Variants in TBXAS1 observed in about 807,000 individuals in gnomAD.
TBXAS1 encodes the protein thromboxane A synthase 1, also known as thromboxane-A synthase.
Under a neutral mutation model 60.7 loss-of-function variants are expected in TBXAS1, and 48 were observed. That is an observed-to-expected ratio of 0.79 (90% CI 0.63 to 1.01). The LOEUF is 1.01. Ranked by LOEUF, TBXAS1 falls within the 50% of genes least tolerant of loss-of-function variation. The pLI, the probability that TBXAS1 is intolerant of heterozygous loss-of-function variation, is 0.00. For synonymous variants in TBXAS1, 287 were observed against 269.7 expected, an observed-to-expected ratio of 1.06 and a Z score of -0.63; for missense variants, 685 against 686.3, an observed-to-expected ratio of 1.00 and a Z score of 0.02.
At chr7:139,807,469 C>T (rs367634191) in intron 4 of TBXAS1, among the ~76,000 whole-genome samples, 23 of 152,126 alleles carry the variant, frequency 1.5e-4, no homozygotes, top group African/African-American at 4.8e-4. Context: ...CTGCAACCTC[C>T]GCCTCCCGGG....
At chr7:140,008,046 A>G (rs1300742980) in intron 10 of TBXAS1, among the ~76,000 whole-genome samples, 1 of 152,248 alleles carries the variant, frequency 6.6e-6, no homozygotes. Flanking sequence ...GAAGCAGCAC[A>G]AAGCATTAAC....
intron 4 of TBXAS1, among the ~76,000 whole-genome samples, chr7:139,921,799 A>G (rs1172203243): frequency 1.3e-5 from 2 of 152,166 alleles, no homozygotes; most frequent in Non-Finnish European, 2.9e-5. Context: ...GTTTTTTGCT[A>G]TTATGAATTA....
At chr7:139,972,060 C>T (rs1214692944) in intron 9 of TBXAS1, among the ~76,000 whole-genome samples, 1 of 152,318 alleles carries the variant, frequency 6.6e-6, no homozygotes, top group South Asian at 2.1e-4. Flanking sequence ...GCAGGACAGA[C>T]TTGCAGGTGT....
At chr7:139,829,516 A>G (rs1362099294) in intron 1 of TBXAS1, 37 bp downstream of exon 1, 2 of 1,593,972 alleles carry the variant, frequency 1.3e-6, no homozygotes, top group Non-Finnish European at 1.7e-6. Context: ...TGACAGCGTC[A>G]GCCGTCTCAC....
At chr7:139,953,479 G>A (rs777692981) in intron 6 of TBXAS1, 23 bp downstream of exon 6, 28 of 1,608,738 alleles carry the variant, frequency 1.7e-5, no homozygotes, top group Non-Finnish European at 2.4e-5. Flanking sequence ...CATTACAGAT[G>A]AGAAATCGAG....
intron 5 of TBXAS1, among the ~76,000 whole-genome samples, chr7:139,943,826 A>T (rs1296521848): frequency 1.3e-5 from 2 of 152,170 alleles, no homozygotes; most frequent in Non-Finnish European, 2.9e-5. Context: ...TTAATTTTTC[A>T]TTTGTTGGTC....
intron 9 of TBXAS1, among the ~76,000 whole-genome samples, chr7:139,966,527 C>T (rs1174313893): frequency 6.6e-6 from 1 of 152,254 alleles, no homozygotes; most frequent in Non-Finnish European, 1.5e-5. Flanking sequence ...TTCTCAGGCA[C>T]ATCTTCCCTA....
chr7:139,824,306 C>T (rs139786672), upstream of TBXAS1, among the ~76,000 whole-genome samples: 108 of 152,294 alleles, frequency 7.1e-4, 1 homozygote, highest in East Asian at 0.018. Flanking sequence ...CCGCATGGCT[C>T]GAGACGGAAA....
intron 10 of TBXAS1, 152 bp downstream of exon 10, chr7:140,007,334 C>T: frequency 1.4e-6 from 1 of 708,144 alleles, no homozygotes; most frequent in Non-Finnish European, 2.5e-6. Flanking sequence ...CCCCATGGCA[C>T]CTCAGATATC....
chr7:139,824,829 C>CTTTT (rs1192880390), upstream of TBXAS1, among the ~76,000 whole-genome samples: 23 of 38,826 alleles, frequency 5.9e-4, no homozygotes, highest in South Asian at 1.5e-3. Flanking sequence ...TTTTCCTTTT[C>CTTTT]TTTTTTTTTT....
chr7:140,005,199 C>T (rs768195282), intron 9 of TBXAS1, among the ~76,000 whole-genome samples: 11 of 152,204 alleles, frequency 7.2e-5, no homozygotes, highest in Non-Finnish European at 1.5e-4. Context: ...AAGGCCGAGG[C>T]AGGCGGATCA....
chr7:139,892,653 C>T (rs1803725425), intron 3 of TBXAS1, among the ~76,000 whole-genome samples: 1 of 152,104 alleles, frequency 6.6e-6, no homozygotes, highest in Non-Finnish European at 1.5e-5. Flanking sequence ...ACTTGAGCAC[C>T]TACCTATCTC....
At chr7:139,853,237 G>T (rs1585635333) in intron 1 of TBXAS1, among the ~76,000 whole-genome samples, 2 of 152,188 alleles carry the variant, frequency 1.3e-5, no homozygotes, top group Middle Eastern at 6.8e-3. Flanking sequence ...TTTCACAGGG[G>T]ACTCAGAGCC....
intron 1 of TBXAS1, among the ~76,000 whole-genome samples, chr7:139,857,176 G>A (rs568471187): frequency 6.6e-6 from 1 of 152,266 alleles, no homozygotes; most frequent in African/African-American, 2.4e-5. Flanking sequence ...TCCAGCCCCT[G>A]GAAGCTGTCT....
chr7:140,015,705 A>G lies in TBXAS1; in HGVS notation c.1227-18A>G. 6.2e-7 allele frequency: 1 copy of G among 1,612,500 alleles called. No individual in the cohort carries two copies. Among genetic ancestry groups the G allele is most frequent in the Non-Finnish European group, 8.5e-7 (1 of 1,179,960 alleles). On this transcript the variant is annotated intron_variant, in intron 10 of 12. Transcript: ENST00000448866. ...CATCTCTTCTCTGTATCCACCCCCG[A>G]CCTGGTGTTTCCCTCAGATTCACAC...
chr7:140,005,783 T>C (rs537292869), intron 9 of TBXAS1, among the ~76,000 whole-genome samples: 1 of 152,194 alleles, frequency 6.6e-6, no homozygotes, highest in Non-Finnish European at 1.5e-5. Context: ...AGCTGCAATA[T>C]GTTGAATGGC....
chr7:139,823,017 C>T (rs1299949672), intron 4 of TBXAS1, among the ~76,000 whole-genome samples: 1 of 152,042 alleles, frequency 6.6e-6, no homozygotes, highest in Admixed American at 6.6e-5. Context: ...CATATCTCCC[C>T]GTCCTCCCCA....
At chr7:139,979,512 A>G (rs1246578197) in intron 9 of TBXAS1, among the ~76,000 whole-genome samples, 2 of 152,056 alleles carry the variant, frequency 1.3e-5, no homozygotes, top group Admixed American at 6.5e-5. Flanking sequence ...GGATCACCTG[A>G]GGTCAGGAGT....
chr7:139,908,859 G>A (rs1056086400), intron 3 of TBXAS1, among the ~76,000 whole-genome samples: 6 of 152,130 alleles, frequency 3.9e-5, no homozygotes, highest in Non-Finnish European at 8.8e-5. Context: ...GGGTAAATAT[G>A]TGAGTGACAA....
Sources: gnomAD v4.1 joint callset for allele counts (sites outside exome capture counted in the v4.1 genomes callset) on GRCh38, gnomAD v4.1.1 for gene constraint, MANE v1.5 for transcripts, NCBI Gene and HGNC (gene_info 2026-07-23, HGNC 2026-07-21) for gene names.